The following CSMD3 variants were observed in gnomAD, a reference collection of about 807,000 sequenced individuals.
CSMD3 encodes CUB and Sushi multiple domains 3.
CSMD3 carries 177 observed loss-of-function variants against 435.2 expected under a neutral mutation model. That is an observed-to-expected ratio of 0.41 (90% CI 0.36 to 0.46). The LOEUF (loss-of-function observed/expected upper bound fraction) is 0.46. Among genes scored for constraint, CSMD3 ranks in the 20% least tolerant of loss-of-function variants. The probability of loss-of-function intolerance (pLI) is 0.34; values close to 1 mark genes in which losing one functional copy is unlikely to be tolerated. For synonymous variants in CSMD3, 1,656 were observed against 1,520.5 expected (o/e 1.09, Z -2.07); for missense variants, 4,265 against 4,504.6 (o/e 0.95, Z 1.52).
At chr8:112,800,864 T>C (rs745925946) in intron 12 of CSMD3, among the ~76,000 whole-genome samples, 1 of 152,066 alleles carries the variant, frequency 6.6e-6, no homozygotes, top group Non-Finnish European at 1.5e-5. Context: ...ATCCATTCAT[T>C]ACTAATCCCT....
At chr8:113,074,099 A>C (rs2089243528) in intron 5 of CSMD3, among the ~76,000 whole-genome samples, 1 of 151,774 alleles carries the variant, frequency 6.6e-6, no homozygotes, top group African/African-American at 2.4e-5. Flanking sequence ...TGACTCTTTA[A>C]GAAATTATTT....
At chr8:112,851,157 A>AT (rs1445316199) in intron 11 of CSMD3, among the ~76,000 whole-genome samples, 1 of 152,158 alleles carries the variant, frequency 6.6e-6, no homozygotes, top group African/African-American at 2.4e-5. Flanking sequence ...TCAAGAGCTG[A>AT]TAAAAGTTAC....
intron 5 of CSMD3, among the ~76,000 whole-genome samples, chr8:113,046,528 C>T (rs956526350): frequency 7.9e-6 from 1 of 127,378 alleles, no homozygotes; most frequent in Admixed American, 7.4e-5. Flanking sequence ...AGAGGCCCCG[C>T]CCCCAGCGCT....
At chr8:112,890,564 C>T (rs573812471) in intron 10 of CSMD3, among the ~76,000 whole-genome samples, 38 of 151,662 alleles carry the variant, frequency 2.5e-4, no homozygotes, top group Non-Finnish European at 4.6e-4. Flanking sequence ...AGATGGTACT[C>T]AATTTCCTTA....
At chr8:113,348,570 AATCAATCCTGGAG>A (rs921516986) in intron 1 of CSMD3, among the ~76,000 whole-genome samples, 1 of 152,128 alleles carries the variant, frequency 6.6e-6, no homozygotes, top group African/African-American at 2.4e-5. Context: ...AGGAGTAACA[AATCAATCCTGGAG>A]ATCAAGGAAG....
At chr8:112,257,621 G>A (rs764226043) in intron 61 of CSMD3, among the ~76,000 whole-genome samples, 1 of 152,154 alleles carries the variant, frequency 6.6e-6, no homozygotes, top group African/African-American at 2.4e-5. Flanking sequence ...ACTGCTCAAG[G>A]AAATCAGAGA....
rs1832030583 is a variant in CSMD3, at chr8:112,408,227, T to C, written c.5605+91A>G. 5 of 906,108 alleles carry C rather than the reference T, an allele frequency of 5.5e-6. No individual in the cohort carries two copies. In the South Asian group the frequency reaches 6.6e-5, roughly 12 times the overall value. The allele number at this position is 906,108 out of a possible 1,614,324, so 56.1% of individuals were successfully genotyped here. On this transcript the variant is annotated intron_variant, in intron 34 of 70. Coordinates refer to ENST00000297405, the MANE Select transcript of CSMD3 (RefSeq NM_198123.2). The stretch of plus-strand genomic sequence containing the variant: ...ATAAAACTGCTTAAAAACACTTTTA[T>C]CTAGAGGATTTCATCATTCAAAAAC...
chr8:112,281,427 G>A (rs1050142131), intron 58 of CSMD3, 77 bp from the exon 59 acceptor site: 11 of 1,140,004 alleles, frequency 9.6e-6, no homozygotes, highest in African/African-American at 3.1e-5. Context: ...ATGACTAAAC[G>A]ATTCTTTCAA....
intron 5 of CSMD3, among the ~76,000 whole-genome samples, chr8:113,083,351 A>C (rs903119523): frequency 1.7e-4 from 26 of 152,020 alleles, no homozygotes; most frequent in African/African-American, 6.3e-4. Context: ...AAAGTGCTGA[A>C]AATAATAATA....
chr8:113,097,440 C>G (rs1400890417), intron 5 of CSMD3, among the ~76,000 whole-genome samples: 1 of 151,984 alleles, frequency 6.6e-6, no homozygotes, highest in Admixed American at 6.6e-5. Context: ...TTTCAAATGA[C>G]TCCTTCGGTT....
intron 4 of CSMD3, among the ~76,000 whole-genome samples, chr8:113,149,714 T>C (rs1427977812): frequency 6.6e-6 from 1 of 151,888 alleles, no homozygotes; most frequent in Non-Finnish European, 1.5e-5. Flanking sequence ...TTTAACTATT[T>C]ATAAGGGAGG....
In CSMD3 at chr8:112,851,638, C is replaced by A. The variant is rs1285374955; in HGVS notation, c.1755+7507G>T. Among the ~76,000 whole-genome samples, 7 of 151,882 alleles carry A rather than the reference C, an allele frequency of 4.6e-5. No individual in the cohort carries two copies. In the East Asian group the frequency reaches 1.4e-3, roughly 30 times the overall value. ...AATTAGCCAGGTGTGGTGGCGTGTG[C>A]CTGTAATCCCAGCTACTCAGGAGGC... On this transcript the variant is annotated intron_variant, in intron 11 of 70. Coordinates refer to ENST00000297405, the MANE Select transcript of CSMD3 (RefSeq NM_198123.2).
rs137875449 is a variant in CSMD3, at chr8:112,829,067, A to C, written c.1859+619T>G. On this transcript the variant is annotated intron_variant, in intron 12 of 70. Coordinates refer to ENST00000297405, the MANE Select transcript of CSMD3 (RefSeq NM_198123.2). ...AGGAAAAGAAAAAAAAAGGAAAAAA[A>C]AATAGCTTACCTTTAGTCAATTTAC... is the stretch of plus-strand genomic sequence containing the variant. Among the ~76,000 whole-genome samples, 389 of 152,302 alleles carry C rather than the reference A, an allele frequency of 2.6e-3. 1 individual carries two copies. The highest frequency in any genetic ancestry group is 9.1e-3 in the African/African-American group (377 of 41,560).
chr8:112,590,859 T>C (rs921168543), intron 22 of CSMD3, among the ~76,000 whole-genome samples: 4 of 152,056 alleles, frequency 2.6e-5, no homozygotes, highest in Non-Finnish European at 5.9e-5. Flanking sequence ...CATGTCTTGA[T>C]CCAGAGTGAG....
chr8:113,436,557 C>CCTT (rs10682578), intron 1 of CSMD3, 120 bp downstream of exon 1: 508,453 of 942,856 alleles, frequency 0.54, 139,881 homozygotes, highest in Admixed American at 0.71. Flanking sequence ...TGAATCAACT[C>CCTT]CTTTAGTATT....
intron 13 of CSMD3, among the ~76,000 whole-genome samples, chr8:112,779,259 T>G (rs2078322812): frequency 6.6e-6 from 1 of 151,850 alleles, no homozygotes; most frequent in Admixed American, 6.6e-5. Flanking sequence ...TGTGGGTTAA[T>G]CTTTGTGGCA....
chr8:112,409,510 T>A (rs751427622), intron 32 of CSMD3, among the ~76,000 whole-genome samples: 50 of 152,004 alleles, frequency 3.3e-4, no homozygotes, highest in Non-Finnish European at 7.4e-5. Context: ...AATAATTTCA[T>A]TAGAAAAAGA....
chr8:112,848,397 A>G (rs2080389437), intron 11 of CSMD3, among the ~76,000 whole-genome samples: 1 of 152,086 alleles, frequency 6.6e-6, no homozygotes. Context: ...CGAACAATAT[A>G]TATTGCTTAT....
chr8:113,184,813 TAAGA>T (rs1315752858), intron 3 of CSMD3, among the ~76,000 whole-genome samples: 2 of 152,150 alleles, frequency 1.3e-5, no homozygotes, highest in Non-Finnish European at 1.5e-5. Context: ...ATAATTCAGC[TAAGA>T]AACAATGTCT....
Sources: allele counts gnomAD v4.1 joint callset (sites outside exome capture counted in the v4.1 genomes callset), GRCh38; gene constraint gnomAD v4.1.1; transcripts MANE v1.5; gene names NCBI Gene and HGNC (gene_info 2026-07-23, HGNC 2026-07-21).